Variants in GPHN observed in about 807,000 individuals in gnomAD.
GPHN encodes gephyrin.
A neutral mutation model predicts 95.5 loss-of-function variants in GPHN; 17 were observed. That is an observed-to-expected ratio of 0.18 (90% CI 0.12 to 0.27). The LOEUF (loss-of-function observed/expected upper bound fraction) is 0.27. GPHN is among the 10% of genes least tolerant of loss of function. The pLI is 1.00. For missense variants in GPHN, 660 were observed against 978.1 expected, an observed-to-expected ratio of 0.67 and a Z score of 4.34; for synonymous variants, 320 against 322.5, an observed-to-expected ratio of 0.99 and a Z score of 0.08.
At chr14:67,576,291 C>G in the GPHN span, 1 of 660,948 alleles carries the variant, frequency 1.5e-6, no homozygotes, top group East Asian at 2.7e-5. This position sits in a 1 kb window ranked among gnomAD's most constrained non-coding sequence, Gnocchi z 4.0. Flanking sequence ...ACCAAACTAG[C>G]TGAACCCCAC....
the GPHN span, chr14:67,228,328 A>G: frequency 2.3e-5 from 11 of 468,808 alleles, no homozygotes; most frequent in East Asian, 1.3e-3. Context: ...TTTTACCTGT[A>G]TTTAGTTCAT....
intron 17 of GPHN, among the ~76,000 whole-genome samples, chr14:67,141,968 A>C (rs544744178): frequency 2.6e-5 from 4 of 152,348 alleles, no homozygotes; most frequent in Non-Finnish European, 4.4e-5. Context: ...TTTGTTTTCA[A>C]GTTAACAAAA....
the GPHN span, among the ~76,000 whole-genome samples, chr14:67,281,383 G>T: frequency 6.6e-6 from 1 of 152,084 alleles, no homozygotes; most frequent in African/African-American, 2.4e-5. Context: ...AAAGCTAAAA[G>T]ATTACATTTT....
chr14:67,586,825 A>G, the GPHN span: 2 of 1,471,264 alleles, frequency 1.4e-6, no homozygotes, highest in Non-Finnish European at 1.8e-6. Context: ...ACCAGAGCAG[A>G]ACACTGGGCC....
chr14:67,155,144 C>T (rs1228588448), intron 18 of GPHN, among the ~76,000 whole-genome samples: 1 of 152,074 alleles, frequency 6.6e-6, no homozygotes, highest in African/African-American at 2.4e-5. Context: ...GAGGAGGGGC[C>T]CTGGTAAATA....
At chr14:66,762,392 A>G (rs1263424903) in intron 2 of GPHN, among the ~76,000 whole-genome samples, 3 of 152,184 alleles carry the variant, frequency 2.0e-5, no homozygotes, top group Non-Finnish European at 2.9e-5. Context: ...TGGCCAACCT[A>G]TGTGAAAGTT....
At chr14:66,538,888 A>G (rs563956068) in intron 1 of GPHN, among the ~76,000 whole-genome samples, 1 of 152,072 alleles carries the variant, frequency 6.6e-6, no homozygotes, top group South Asian at 2.1e-4. Context: ...TGAAACTTGT[A>G]ATAATTTATG....
At chr14:66,876,954 G>T (rs1397655785) in intron 4 of GPHN, among the ~76,000 whole-genome samples, 1 of 151,680 alleles carries the variant, frequency 6.6e-6, no homozygotes, top group African/African-American at 2.4e-5. Context: ...AAAATTTCAG[G>T]CCAATATCCC....
intron 20 of GPHN, among the ~76,000 whole-genome samples, 194 bp from the exon 21 acceptor site, chr14:67,168,739 C>A (rs928021322): frequency 6.6e-6 from 1 of 152,052 alleles, no homozygotes. Flanking sequence ...TACTGAAAGA[C>A]GCAAATGTTT....
the GPHN span, among the ~76,000 whole-genome samples, chr14:67,699,890 C>T: frequency 6.6e-6 from 1 of 152,138 alleles, no homozygotes; most frequent in East Asian, 1.9e-4. Flanking sequence ...GCCTGTACTT[C>T]CAGCACTTTG....
chr14:66,993,742 G>C (rs2071587809), intron 9 of GPHN, among the ~76,000 whole-genome samples: 1 of 152,138 alleles, frequency 6.6e-6, no homozygotes. Context: ...CAAACAGTTT[G>C]TAAACTCTAC....
intron 5 of GPHN, among the ~76,000 whole-genome samples, chr14:66,914,052 G>T (rs1484874706): frequency 6.6e-6 from 1 of 151,234 alleles, no homozygotes; most frequent in African/African-American, 2.4e-5. Flanking sequence ...TGACAAAATA[G>T]TAAAAAAAAA....
At chr14:66,823,724 A>T (rs1458497874) in intron 3 of GPHN, among the ~76,000 whole-genome samples, 1 of 152,116 alleles carries the variant, frequency 6.6e-6, no homozygotes, top group African/African-American at 2.4e-5. Context: ...GTCACTGATG[A>T]ATTTGAGAAT....
At chr14:67,112,818 T>A (rs1449442909) in intron 15 of GPHN, among the ~76,000 whole-genome samples, 200 bp from the exon 16 acceptor site, 4 of 152,228 alleles carry the variant, frequency 2.6e-5, no homozygotes, top group African/African-American at 9.6e-5. Context: ...CCTATTTCTG[T>A]TTTCTGTTGT....
chr14:67,193,779 C>CA, the GPHN span, among the ~76,000 whole-genome samples: 889 of 88,792 alleles, frequency 0.01, 4 homozygotes, highest in South Asian at 0.026. Context: ...CCAATTTCTA[C>CA]AAAAAAAAAA....
At chr14:67,022,113 G>A (rs948369682) in intron 9 of GPHN, among the ~76,000 whole-genome samples, 3 of 151,852 alleles carry the variant, frequency 2.0e-5, no homozygotes, top group Non-Finnish European at 4.4e-5. Flanking sequence ...TTTCTTTAAG[G>A]CTGTAGTGGT....
intron 1 of GPHN, among the ~76,000 whole-genome samples, chr14:66,583,845 C>G (rs1163783233): frequency 1.3e-5 from 2 of 152,004 alleles, no homozygotes; most frequent in Non-Finnish European, 2.9e-5. Flanking sequence ...GTTCTTTTGG[C>G]TTAGGATTGA....
chr14:67,058,438 C>A (rs1222424861), intron 10 of GPHN, among the ~76,000 whole-genome samples: 1 of 152,154 alleles, frequency 6.6e-6, no homozygotes, highest in African/African-American at 2.4e-5. Context: ...TCTGGAGCAG[C>A]CACTGGGTTT....
At chr14:67,418,521 C>G in the GPHN span, among the ~76,000 whole-genome samples, 1 of 152,208 alleles carries the variant, frequency 6.6e-6, no homozygotes. Context: ...CATATCTCAG[C>G]AGAAGCTTTG....
Sources: allele counts gnomAD v4.1 joint callset (sites outside exome capture counted in the v4.1 genomes callset), GRCh38; gene constraint gnomAD v4.1.1; non-coding constraint Gnocchi (gnomAD v3.1); transcripts MANE v1.5; gene names NCBI Gene and HGNC (gene_info 2026-07-23, HGNC 2026-07-21).